Variants in FSTL4 observed in about 807,000 individuals in gnomAD.
FSTL4 encodes follistatin-related protein 4.
In FSTL4, 28 loss-of-function variants were observed where a neutral mutation model predicts 78.2. The observed-to-expected ratio is 0.36, with a 90% CI of 0.27 to 0.49. The LOEUF is 0.49. Ranked by LOEUF, FSTL4 falls within the 20% of genes least tolerant of loss-of-function variation. FSTL4 has a pLI of 0.98. For missense variants in FSTL4, 922 were observed against 1,084.9 expected, an observed-to-expected ratio of 0.85 and a Z score of 2.11; for synonymous variants, 422 against 440.5, an observed-to-expected ratio of 0.96 and a Z score of 0.53.
intron 6 of FSTL4, among the ~76,000 whole-genome samples, chr5:133,281,846 G>A (rs981365916): frequency 1.3e-5 from 2 of 152,122 alleles, no homozygotes; most frequent in Non-Finnish European, 2.9e-5. Flanking sequence ...TTTGGGTCAG[G>A]ACTTCTGGGG....
the FSTL4 span, among the ~76,000 whole-genome samples, chr5:133,625,755 TATTCCATATATATTCC>T: frequency 2.0e-5 from 2 of 98,412 alleles, no homozygotes; most frequent in Non-Finnish European, 3.7e-5. Flanking sequence ...TCCATATATA[TATTCCATATATATTCC>T]ATATATATAT....
rs146735768 is a variant in FSTL4 at position 133,297,441 on chromosome 5, G to C, written c.727+15213C>G. Among the ~76,000 whole-genome samples, 400 of 152,282 alleles carry C rather than the reference G, an allele frequency of 2.6e-3. 2 individuals are homozygous for C. The highest frequency in any genetic ancestry group is 9.3e-3 in the African/African-American group (385 of 41,546). On this transcript the variant is annotated intron_variant, in intron 6 of 15. Transcript: ENST00000265342. Reference sequence around the variant, plus strand: ...GCTGATGGAGTGCTGGAGCCATCATGCATGGGTTGGAATTTTTGGTCTACT... The same window carrying C: ...GCTGATGGAGTGCTGGAGCCATCATCCATGGGTTGGAATTTTTGGTCTACT...
chr5:133,676,508 C>T, the FSTL4 span, among the ~76,000 whole-genome samples: 234 of 152,294 alleles, frequency 1.5e-3, 1 homozygote, highest in African/African-American at 5.4e-3. Flanking sequence ...GTTCTCCTTG[C>T]ATTTTTCTTT....
chr5:133,663,221 A>G, the FSTL4 span, among the ~76,000 whole-genome samples: 1 of 152,236 alleles, frequency 6.6e-6, no homozygotes, highest in Non-Finnish European at 1.5e-5. Flanking sequence ...ACACACGAAT[A>G]CATATCAAAA....
At chr5:133,751,620 G>A in the FSTL4 span, among the ~76,000 whole-genome samples, 4 of 152,188 alleles carry the variant, frequency 2.6e-5, no homozygotes, top group East Asian at 1.9e-4. Context: ...TCGGTGGGGC[G>A]TCTGCAGCAA....
chr5:133,322,240 CCCCCACACCCA>C lies in FSTL4; in HGVS notation c.410-5599_410-5589del, dbSNP rs1416525200. Among the ~76,000 whole-genome samples the C allele has an allele frequency of 1.7e-3, 110 of 64,956 alleles. 1 individual carries two copies. The highest frequency in any genetic ancestry group is 8.8e-3 in the Middle Eastern group (1 of 114). The allele number at this position is 64,956 out of a possible 152,430, so 42.6% of individuals were successfully genotyped here. On this transcript the variant is annotated intron_variant, in intron 4 of 15. Coordinates refer to ENST00000265342, the MANE Select transcript of FSTL4 (RefSeq NM_015082.2). ...ACACACACACCCACACACACACACA[CCCCCACACCCA>C]CCCACACCCACCCACACCCACACAC...
chr5:133,476,988 T>A (rs571614670), intron 3 of FSTL4, among the ~76,000 whole-genome samples: 2 of 152,358 alleles, frequency 1.3e-5, no homozygotes, highest in African/African-American at 4.8e-5. Context: ...TGGGGCTGCA[T>A]CTGGCACACA....
chr5:133,395,427 G>C (rs775718670), intron 4 of FSTL4, among the ~76,000 whole-genome samples: 15 of 152,126 alleles, frequency 9.9e-5, no homozygotes, highest in Non-Finnish European at 1.5e-4. Flanking sequence ...AAGAAACTCT[G>C]AACACGTCCA....
intron 6 of FSTL4, among the ~76,000 whole-genome samples, chr5:133,287,374 C>A (rs996706264): frequency 7.1e-6 from 1 of 140,846 alleles, no homozygotes; most frequent in African/African-American, 2.8e-5. Context: ...GGTGACAGAG[C>A]GAGACTCCAT....
chr5:133,235,555 C>T (rs372952525), intron 7 of FSTL4, among the ~76,000 whole-genome samples: 5 of 150,924 alleles, frequency 3.3e-5, no homozygotes, highest in African/African-American at 9.7e-5. Context: ...GAAGGGGTGC[C>T]GGCCCAGAGT....
intron 4 of FSTL4, among the ~76,000 whole-genome samples, chr5:133,331,147 G>A (rs925943341): frequency 1.3e-5 from 2 of 152,164 alleles, no homozygotes; most frequent in Non-Finnish European, 2.9e-5. Context: ...CCCCGCATAG[G>A]TCCCGGCAGG....
chr5:133,532,628 T>C (rs1228989777), intron 3 of FSTL4, among the ~76,000 whole-genome samples: 1 of 152,154 alleles, frequency 6.6e-6, no homozygotes, highest in Non-Finnish European at 1.5e-5. Context: ...AACCAGGCCT[T>C]ATCTACCCCA....
chr5:133,349,209 G>A (rs1006172812), intron 4 of FSTL4, among the ~76,000 whole-genome samples: 1 of 152,158 alleles, frequency 6.6e-6, no homozygotes, highest in Non-Finnish European at 1.5e-5. Context: ...TGAGCAGTGG[G>A]TAGTCCTGGG....
At chr5:133,630,018 T>C in the FSTL4 span, among the ~76,000 whole-genome samples, 1 of 152,258 alleles carries the variant, frequency 6.6e-6, no homozygotes, top group Non-Finnish European at 1.5e-5. Flanking sequence ...GAACTATTTA[T>C]GAAAAACCCA....
chr5:133,597,491 G>T (rs1008203018), intron 2 of FSTL4, among the ~76,000 whole-genome samples: 4 of 152,102 alleles, frequency 2.6e-5, no homozygotes, highest in Non-Finnish European at 5.9e-5. Flanking sequence ...TAGCAACAGA[G>T]GAATAAATAA....
the FSTL4 span, among the ~76,000 whole-genome samples, chr5:133,625,724 CATATAT>C: frequency 3.4e-5 from 2 of 58,822 alleles, no homozygotes; most frequent in African/African-American, 1.0e-4. Flanking sequence ...GAGACAGTTC[CATATAT>C]ATATATATAT....
intron 3 of FSTL4, among the ~76,000 whole-genome samples, chr5:133,548,905 G>A (rs536112041): frequency 2.8e-4 from 42 of 152,134 alleles, no homozygotes; most frequent in Non-Finnish European, 5.3e-4. Context: ...TAAAATTCTA[G>A]ATTGACCAAT....
chr5:133,696,065 A>G, the FSTL4 span, among the ~76,000 whole-genome samples: 1 of 152,196 alleles, frequency 6.6e-6, no homozygotes, highest in Non-Finnish European at 1.5e-5. Context: ...CACACACACA[A>G]ACCCTGTGAG....
chr5:133,347,997 T>A (rs979414677), intron 4 of FSTL4, among the ~76,000 whole-genome samples: 7 of 152,098 alleles, frequency 4.6e-5, no homozygotes, highest in African/African-American at 1.7e-4. Context: ...TCCAAAGCCA[T>A]AGTTTGGTGA....
Sources: gnomAD v4.1 joint callset for allele counts (sites outside exome capture counted in the v4.1 genomes callset) on GRCh38, gnomAD v4.1.1 for gene constraint, MANE v1.5 for transcripts, NCBI Gene and HGNC (gene_info 2026-07-23, HGNC 2026-07-21) for gene names.